Variants in AGXT2 observed in about 807,000 individuals in gnomAD.
AGXT2 encodes alanine--glyoxylate aminotransferase 2, mitochondrial.
In AGXT2, 61 loss-of-function variants were observed where a neutral mutation model predicts 62.5. The observed-to-expected ratio is 0.98, with a 90% CI of 0.79 to 1.21. AGXT2 has a LOEUF of 1.21. AGXT2 is among the 50% of genes most tolerant of loss of function. The probability of loss-of-function intolerance (pLI) is 0.00; values close to 1 mark genes in which losing one functional copy is unlikely to be tolerated. For synonymous variants in AGXT2, 243 were observed against 218.7 expected (o/e 1.11, Z -0.98); for missense variants, 666 against 641.5 (o/e 1.04, Z -0.41).
chr5:35,018,000 A>G (rs914156543), intron 9 of AGXT2, among the ~76,000 whole-genome samples: 1 of 152,208 alleles, frequency 6.6e-6, no homozygotes, highest in Non-Finnish European at 1.5e-5. Context: ...GAATGAAATG[A>G]AGACAGAAGG....
At chr5:35,004,032 T>G (rs1766334158) in intron 12 of AGXT2, among the ~76,000 whole-genome samples, 171 bp from the exon 13 acceptor site, 1 of 152,198 alleles carries the variant, frequency 6.6e-6, no homozygotes, top group South Asian at 2.1e-4. Context: ...AAGCTGCTAA[T>G]TGCTGAACCA....
At chr5:35,032,190 G>A (rs189268719) in intron 7 of AGXT2, among the ~76,000 whole-genome samples, 1 of 151,710 alleles carries the variant, frequency 6.6e-6, no homozygotes, top group Admixed American at 6.6e-5. Context: ...GACCTCAGGT[G>A]ATCTGCCCGC....
chr5:35,031,891 T>G (rs1330004995), intron 7 of AGXT2, among the ~76,000 whole-genome samples: 2 of 151,542 alleles, frequency 1.3e-5, no homozygotes, highest in African/African-American at 2.4e-5. Context: ...TTCTTGTTTT[T>G]TTTTTTTTTT....
At chr5:35,011,808 A>G (rs190759692) in intron 11 of AGXT2, among the ~76,000 whole-genome samples, 1 of 152,178 alleles carries the variant, frequency 6.6e-6, no homozygotes, top group East Asian at 1.9e-4. Flanking sequence ...TATATCAAAA[A>G]GACACCTGCA....
At chr5:35,014,582 C>T (rs1580580395) in intron 9 of AGXT2, among the ~76,000 whole-genome samples, 1 of 151,988 alleles carries the variant, frequency 6.6e-6, no homozygotes, top group African/African-American at 2.4e-5. Flanking sequence ...GGACAAAGCG[C>T]TTAATTTGTG....
At chr5:35,016,111 AG>A (rs1766842163) in intron 9 of AGXT2, among the ~76,000 whole-genome samples, 1 of 152,172 alleles carries the variant, frequency 6.6e-6, no homozygotes, top group South Asian at 2.1e-4. Flanking sequence ...ATAATGTACG[AG>A]GAGCTCGTGG....
chr5:35,040,693 C>A (rs201711080), intron 1 of AGXT2, 30 bp from the exon 2 acceptor site: 2 of 1,543,394 alleles, frequency 1.3e-6, no homozygotes, highest in Non-Finnish European at 1.8e-6. Flanking sequence ...GAATCCTCAA[C>A]TAAGCATGAC....
rs568863248 is a variant in AGXT2, at chr5:35,004,121, C to A, written c.1339-260G>T. On this transcript the variant is annotated intron_variant, in intron 12 of 13. Transcript: ENST00000231420. ...AATTCCCAAAAGACAAAATGAAGTT[C>A]TGTGCGGATAGCCAGTGAATCTTAG... is the stretch of plus-strand genomic sequence containing the variant. Among the ~76,000 whole-genome samples, 4 of 152,318 alleles carry A rather than the reference C, an allele frequency of 2.6e-5. No homozygotes were observed. In the East Asian group the frequency reaches 7.7e-4, roughly 29 times the overall value.
intron 4 of AGXT2, 25 bp downstream of exon 4, chr5:35,036,917 A>G (rs1403002625): frequency 1.2e-6 from 2 of 1,613,176 alleles, no homozygotes; most frequent in Non-Finnish European, 8.5e-7. Flanking sequence ...CATAACATTC[A>G]CCTCCTGCAG....
intron 9 of AGXT2, among the ~76,000 whole-genome samples, chr5:35,020,681 G>T (rs893729120): frequency 5.9e-5 from 9 of 152,240 alleles, no homozygotes; most frequent in Non-Finnish European, 8.8e-5. Context: ...GGATGCCCTC[G>T]CTCACCACTC....
chr5:35,021,332 G>T (rs1767072244), intron 9 of AGXT2, among the ~76,000 whole-genome samples: 1 of 151,724 alleles, frequency 6.6e-6, no homozygotes, highest in South Asian at 2.1e-4. Context: ...ATACTACAAG[G>T]CTACAGTAAC....
intron 12 of AGXT2, among the ~76,000 whole-genome samples, chr5:35,005,353 C>T (rs1378673314): frequency 1.3e-5 from 2 of 152,164 alleles, no homozygotes; most frequent in East Asian, 3.9e-4. Context: ...CTCAGCCTCC[C>T]CACTAGCTGG....
chr5:35,016,892 T>C (rs1766865709), intron 9 of AGXT2, among the ~76,000 whole-genome samples: 1 of 152,158 alleles, frequency 6.6e-6, no homozygotes, highest in Non-Finnish European at 1.5e-5. Context: ...GAGAAGCATA[T>C]GTTAGGGACA....
intron 5 of AGXT2, among the ~76,000 whole-genome samples, chr5:35,034,916 C>T (rs369823812): frequency 1.4e-4 from 21 of 152,166 alleles, no homozygotes; most frequent in African/African-American, 3.4e-4. Context: ...GTGTGGTCCC[C>T]GCCACATCTT....
rs1768299198 is a variant in AGXT2 at position 35,047,682 on chromosome 5, G to A, written c.88+123C>T. 6 of 1,264,038 alleles carry A rather than the reference G, an allele frequency of 4.7e-6. No individual in the cohort carries two copies. In the East Asian group the frequency reaches 1.5e-4, roughly 32 times the overall value. 78.3% of individuals were successfully genotyped at this position (1,264,038 alleles called of 1,614,324 possible). A position where few individuals can be genotyped will look rare whatever the true frequency, so the allele number is the denominator to read the frequency against. ...GTGAGAACCTGTGTGTCAAAAACAT[G>A]CCTCATCTCTAAGACCTCACCCAGG... is the stretch of plus-strand genomic sequence containing the variant. On this transcript the variant is annotated intron_variant, in intron 1 of 13. Transcript: ENST00000231420.
chr5:35,028,083 C>CCTG (rs566990058), intron 7 of AGXT2, among the ~76,000 whole-genome samples: 287 of 152,016 alleles, frequency 1.9e-3, no homozygotes, highest in Non-Finnish European at 3.5e-3. Flanking sequence ...TCATCTCTTC[C>CCTG]CTGCACTCCA....
Position 35,014,057 on chromosome 5 carries a change from C to T in AGXT2, c.1026G>A (p.Leu342=). Residue 342 remains leucine (L), a synonymous_variant, in exon 10 of 14, where the codon CTG becomes CTA. Coordinates refer to ENST00000231420, the MANE Select transcript of AGXT2 (RefSeq NM_031900.4). ...HFWGFQTHDV[L]PDIVTMAKGI... ...CTTTAGCCATGGTGACAATGTCAGG[C>T]AGGACATCGTGGGTTTGGAAGCCCC... is the stretch of plus-strand genomic sequence containing the variant. 1 of 1,614,118 alleles carries T rather than the reference C, an allele frequency of 6.2e-7. No homozygotes were observed. Among genetic ancestry groups the T allele is most frequent in the East Asian group, 2.2e-5 (1 of 44,872 alleles).
At chr5:35,045,145 A>G (rs1258030487) in intron 1 of AGXT2, among the ~76,000 whole-genome samples, 1 of 152,248 alleles carries the variant, frequency 6.6e-6, no homozygotes, top group Non-Finnish European at 1.5e-5. Flanking sequence ...AATTGCTTCC[A>G]TAACTTTGTA....
intron 9 of AGXT2, among the ~76,000 whole-genome samples, chr5:35,021,035 C>A (rs1316665699): frequency 6.6e-6 from 1 of 152,148 alleles, no homozygotes; most frequent in Non-Finnish European, 1.5e-5. Context: ...AGGACCTCTT[C>A]AAGGAGAACT....
Sources: gnomAD v4.1 joint callset for allele counts (sites outside exome capture counted in the v4.1 genomes callset) on GRCh38, gnomAD v4.1.1 for gene constraint, MANE v1.5 for transcripts, NCBI Gene and HGNC (gene_info 2026-07-23, HGNC 2026-07-21) for gene names.